The following RRAS2 variants were observed in gnomAD, a reference collection of about 807,000 sequenced individuals.
RRAS2 encodes the protein RAS related 2.
Under a neutral mutation model 27.6 loss-of-function variants are expected in RRAS2, and 7 were observed. That is an observed-to-expected ratio of 0.25 (90% CI 0.14 to 0.48). The LOEUF is 0.48. Among genes scored for constraint, RRAS2 ranks in the 20% least tolerant of loss-of-function variants. The pLI, the probability that RRAS2 is intolerant of heterozygous loss-of-function variation, is 0.99. For missense variants in RRAS2, 178 were observed against 256.2 expected, an observed-to-expected ratio of 0.69 and a Z score of 2.08; for synonymous variants, 86 against 90.9, an observed-to-expected ratio of 0.95 and a Z score of 0.31.
chr11:14,312,427 TTTG>T (rs1251251436), intron 1 of RRAS2, among the ~76,000 whole-genome samples: 3 of 152,150 alleles, frequency 2.0e-5, no homozygotes, highest in Non-Finnish European at 2.9e-5. Context: ...TTGTTTGTTT[TTTG>T]TTATTTTTAG....
chr11:14,332,902 A>C (rs1202481563), intron 1 of RRAS2, among the ~76,000 whole-genome samples: 11 of 152,174 alleles, frequency 7.2e-5, no homozygotes, highest in African/African-American at 2.7e-4. Flanking sequence ...ATAAACCAAA[A>C]AAAGTTTAAA....
At chr11:14,296,443 T>C (rs1449861084) in intron 1 of RRAS2, among the ~76,000 whole-genome samples, 7 of 152,206 alleles carry the variant, frequency 4.6e-5, no homozygotes, top group Non-Finnish European at 1.5e-5. Context: ...TCTACAACTT[T>C]TTTCATAATT....
At chr11:14,339,675 A>G (rs1246453252) in intron 1 of RRAS2, among the ~76,000 whole-genome samples, 3 of 152,210 alleles carry the variant, frequency 2.0e-5, no homozygotes, top group Admixed American at 6.5e-5. Context: ...AAGAAAATAG[A>G]AAGTTAAAGT....
At chr11:14,348,671 A>C (rs2134032963) in intron 1 of RRAS2, among the ~76,000 whole-genome samples, 1 of 152,250 alleles carries the variant, frequency 6.6e-6, no homozygotes, top group East Asian at 1.9e-4. Context: ...GTCTCTTTCA[A>C]ATATCCCCAT....
At chr11:14,351,301 C>T (rs1848945184) in intron 1 of RRAS2, among the ~76,000 whole-genome samples, 1 of 152,146 alleles carries the variant, frequency 6.6e-6, no homozygotes, top group Admixed American at 6.5e-5. Flanking sequence ...ATTGGATAAT[C>T]TGAGATTTTC....
intron 1 of RRAS2, among the ~76,000 whole-genome samples, chr11:14,353,607 A>G (rs2134041141): frequency 6.6e-6 from 1 of 152,200 alleles, no homozygotes; most frequent in South Asian, 2.1e-4. Flanking sequence ...AAAAAAAAAA[A>G]AAGTGTCCCC....
At chr11:14,311,461 G>A (rs1423538049) in intron 1 of RRAS2, among the ~76,000 whole-genome samples, 1 of 152,200 alleles carries the variant, frequency 6.6e-6, no homozygotes, top group Non-Finnish European at 1.5e-5. Flanking sequence ...CTGCCTCCCT[G>A]GTTCAAGCAA....
At chr11:14,319,230 C>T (rs1347998264) in intron 1 of RRAS2, among the ~76,000 whole-genome samples, 5 of 152,178 alleles carry the variant, frequency 3.3e-5, no homozygotes, top group East Asian at 1.9e-4. Flanking sequence ...CATACACCTC[C>T]GTCAATCCTG....
At chr11:14,330,384 C>T (rs539550355) in intron 1 of RRAS2, among the ~76,000 whole-genome samples, 1 of 152,224 alleles carries the variant, frequency 6.6e-6, no homozygotes, top group African/African-American at 2.4e-5. Flanking sequence ...TGGTGGCACA[C>T]GCCTGTAGTC....
chr11:14,330,064 G>A (rs914991131), intron 1 of RRAS2, among the ~76,000 whole-genome samples: 1 of 152,082 alleles, frequency 6.6e-6, no homozygotes, highest in Non-Finnish European at 1.5e-5. Flanking sequence ...CACAGACTAA[G>A]ACCCTATCTC....
chr11:14,360,240 A>G (rs1849172765), upstream of RRAS2, among the ~76,000 whole-genome samples: 1 of 150,502 alleles, frequency 6.6e-6, no homozygotes, highest in Non-Finnish European at 1.5e-5. Flanking sequence ...CCAGATCACC[A>G]GCATCACCTG....
chr11:14,315,192 A>C (rs1275430753), intron 1 of RRAS2, among the ~76,000 whole-genome samples: 4 of 152,242 alleles, frequency 2.6e-5, no homozygotes, highest in African/African-American at 9.6e-5. Flanking sequence ...GGGTTGGGGC[A>C]GGGAGCAACT....
chr11:14,340,993 T>A (rs536277558), intron 1 of RRAS2, among the ~76,000 whole-genome samples: 5 of 152,298 alleles, frequency 3.3e-5, no homozygotes, highest in African/African-American at 1.2e-4. Flanking sequence ...AGTACCCAAA[T>A]CAGGCAAAGC....
At chr11:14,304,012 G>A (rs1411995479) in intron 1 of RRAS2, among the ~76,000 whole-genome samples, 5 of 152,200 alleles carry the variant, frequency 3.3e-5, no homozygotes, top group East Asian at 1.9e-4. Flanking sequence ...CTAGGTGGCC[G>A]AGCACAGTGT....
chr11:14,306,002 A>G (rs1554948034), intron 1 of RRAS2, among the ~76,000 whole-genome samples: 1 of 152,028 alleles, frequency 6.6e-6, no homozygotes, highest in African/African-American at 2.4e-5. Flanking sequence ...CTGCGACCGC[A>G]CCACTGCATT....
chr11:14,287,326 T>C (rs1171458169), intron 4 of RRAS2, among the ~76,000 whole-genome samples: 2 of 152,162 alleles, frequency 1.3e-5, no homozygotes, highest in African/African-American at 4.8e-5. Flanking sequence ...AAGTAAATGG[T>C]GTACAACTAA....
chr11:14,318,224 C>T (rs1310256113), intron 1 of RRAS2, among the ~76,000 whole-genome samples: 1 of 152,074 alleles, frequency 6.6e-6, no homozygotes, highest in Admixed American at 6.6e-5. Flanking sequence ...TGCAGCCGGG[C>T]GTGGTGGCTC....
chr11:14,299,612 C>T (rs1847644883), intron 1 of RRAS2, among the ~76,000 whole-genome samples: 1 of 152,168 alleles, frequency 6.6e-6, no homozygotes, highest in Non-Finnish European at 1.5e-5. Flanking sequence ...ACTTGAAACC[C>T]TTCAGCCAAT....
chr11:14,296,289 A>T (rs1436298816), intron 1 of RRAS2, among the ~76,000 whole-genome samples: 1 of 152,206 alleles, frequency 6.6e-6, no homozygotes, highest in Non-Finnish European at 1.5e-5. Context: ...ACTTATCCAG[A>T]ACTAATCAAA....
Sources: allele counts gnomAD v4.1 joint callset (sites outside exome capture counted in the v4.1 genomes callset), GRCh38; gene constraint gnomAD v4.1.1; transcripts MANE v1.5; gene names NCBI Gene and HGNC (gene_info 2026-07-23, HGNC 2026-07-21).